The following CSMD1 variants were observed in gnomAD, a reference collection of about 807,000 sequenced individuals.
CSMD1 encodes the protein CUB and sushi domain-containing protein 1.
In CSMD1, 213 loss-of-function variants were observed where a neutral mutation model predicts 417.5. The observed-to-expected ratio is 0.51, with a 90% CI of 0.46 to 0.57. The LOEUF (loss-of-function observed/expected upper bound fraction) is 0.57, where lower values mean the gene tolerates loss of function less well. Ranked by LOEUF, CSMD1 falls within the 20% of genes least tolerant of loss-of-function variation. The pLI, the probability that CSMD1 is intolerant of heterozygous loss-of-function variation, is 0.00. For synonymous variants in CSMD1, 2,862 were observed against 1,736.8 expected, an observed-to-expected ratio of 1.65 and a Z score of -16.11; for missense variants, 6,923 against 4,529.7, an observed-to-expected ratio of 1.53 and a Z score of -15.17.
At chr8:3,542,442 G>A (rs532664166) in intron 10 of CSMD1, among the ~76,000 whole-genome samples, 215 of 152,290 alleles carry the variant, frequency 1.4e-3, no homozygotes, top group African/African-American at 5.1e-3. Flanking sequence ...GTGCGTTAGG[G>A]AATGAAACTG....
chr8:4,600,492 C>G (rs1001268791), intron 2 of CSMD1, among the ~76,000 whole-genome samples: 1 of 152,136 alleles, frequency 6.6e-6, no homozygotes. Context: ...ATATAATAGG[C>G]TAAATAAATA....
chr8:3,902,563 T>C lies in CSMD1; in HGVS notation c.818+95340A>G, dbSNP rs143785075. Among the ~76,000 whole-genome samples the C allele has an allele frequency of 7.5e-3, 1,144 of 152,238 alleles. 8 individuals carry two copies. The highest frequency in any genetic ancestry group is 0.012 in the Non-Finnish European group (808 of 68,020). On this transcript the variant is annotated intron_variant, in intron 5 of 69. Transcript: ENST00000635120. ...GAGCTCACAACCTACATCCATTGCA[T>C]GCTCAGTTCACAGTAGGGTTCACGA...
intron 5 of CSMD1, among the ~76,000 whole-genome samples, chr8:3,757,018 G>A (rs965501979): frequency 6.6e-6 from 1 of 152,094 alleles, no homozygotes; most frequent in African/African-American, 2.4e-5. Flanking sequence ...GTCCAGACTG[G>A]TCTTGAACTC....
chr8:3,588,134 GTTCT>G (rs1171150635), intron 8 of CSMD1, among the ~76,000 whole-genome samples: 2 of 150,360 alleles, frequency 1.3e-5, no homozygotes, highest in East Asian at 1.9e-4. Flanking sequence ...TCAGTCTCCA[GTTCT>G]TTCTGTTTAC....
intron 3 of CSMD1, among the ~76,000 whole-genome samples, chr8:4,220,029 A>C (rs76817042): frequency 0.022 from 3,307 of 152,214 alleles, 103 homozygotes; most frequent in South Asian, 0.14. Flanking sequence ...GGCTGACTAC[A>C]ACCTCTGCCT....
intron 7 of CSMD1, among the ~76,000 whole-genome samples, chr8:3,657,459 T>C (rs1236183449): frequency 1.3e-5 from 2 of 152,054 alleles, no homozygotes; most frequent in Non-Finnish European, 2.9e-5. Context: ...TGCCCATCAA[T>C]GATAGACTGG....
At chr8:3,239,586 C>A (rs1250795813) in intron 26 of CSMD1, among the ~76,000 whole-genome samples, 1 of 151,790 alleles carries the variant, frequency 6.6e-6, no homozygotes, top group Non-Finnish European at 1.5e-5. Context: ...CCTGAATAAT[C>A]TCTGAGAAGT....
chr8:3,207,422 C>T (rs552165845), intron 30 of CSMD1, among the ~76,000 whole-genome samples: 40 of 151,880 alleles, frequency 2.6e-4, no homozygotes, highest in African/African-American at 8.7e-4. Flanking sequence ...GGATTACAAA[C>T]GTGAGCCACT....
intron 3 of CSMD1, among the ~76,000 whole-genome samples, chr8:4,152,281 G>A (rs1302746879): frequency 6.6e-6 from 1 of 152,090 alleles, no homozygotes; most frequent in Non-Finnish European, 1.5e-5. Context: ...GAAATACGAT[G>A]GTTAAAAATC....
At chr8:4,341,396 G>A (rs895592324) in intron 3 of CSMD1, among the ~76,000 whole-genome samples, 1 of 152,084 alleles carries the variant, frequency 6.6e-6, no homozygotes, top group African/African-American at 2.4e-5. Context: ...ACTGAAGAAA[G>A]CCTTGAACTC....
intron 26 of CSMD1, among the ~76,000 whole-genome samples, chr8:3,261,106 C>G (rs1801029477): frequency 1.3e-5 from 2 of 152,114 alleles, no homozygotes; most frequent in African/African-American, 4.8e-5. Flanking sequence ...CAAATAAATG[C>G]AGAGATATCA....
intron 10 of CSMD1, among the ~76,000 whole-genome samples, chr8:3,514,443 C>G (rs1297180863): frequency 2.0e-5 from 3 of 152,186 alleles, no homozygotes; most frequent in African/African-American, 7.2e-5. Flanking sequence ...TTATCCCCAT[C>G]TGCTCACGGG....
intron 5 of CSMD1, among the ~76,000 whole-genome samples, chr8:3,900,821 T>C (rs1807698809): frequency 1.3e-5 from 2 of 152,204 alleles, no homozygotes; most frequent in African/African-American, 4.8e-5. Context: ...CAGCCTTCTG[T>C]TCCAGAGCTT....
chr8:3,207,381 G>C (rs888915665), intron 30 of CSMD1, among the ~76,000 whole-genome samples: 26 of 150,868 alleles, frequency 1.7e-4, no homozygotes, highest in African/African-American at 5.1e-4. Context: ...CTGACCTCAT[G>C]ATCCGCATGG....
chr8:3,129,710 C>T (rs1013338302), intron 41 of CSMD1, among the ~76,000 whole-genome samples: 7 of 151,670 alleles, frequency 4.6e-5, no homozygotes, highest in Admixed American at 3.3e-4. Context: ...GGAGCTGGGC[C>T]GGGCGGGGTG....
chr8:3,270,949 G>C (rs13273372), intron 26 of CSMD1, among the ~76,000 whole-genome samples: 1 of 150,364 alleles, frequency 6.7e-6, no homozygotes, highest in African/African-American at 2.5e-5. Flanking sequence ...TTATTATACT[G>C]TAAGTTTTAG....
At chr8:3,595,664 G>A (rs1395454804) in intron 8 of CSMD1, among the ~76,000 whole-genome samples, 1 of 152,186 alleles carries the variant, frequency 6.6e-6, no homozygotes, top group Non-Finnish European at 1.5e-5. Flanking sequence ...CTAGCTCTCA[G>A]AAGCACCGCA....
chr8:3,143,813 T>A (rs1028418720), intron 40 of CSMD1, among the ~76,000 whole-genome samples: 2 of 152,232 alleles, frequency 1.3e-5, no homozygotes, highest in Non-Finnish European at 2.9e-5. Flanking sequence ...TAACACCTAC[T>A]TGGGTTTTCC....
chr8:3,917,709 C>T (rs1455004388), intron 5 of CSMD1, among the ~76,000 whole-genome samples: 4 of 152,094 alleles, frequency 2.6e-5, no homozygotes, highest in East Asian at 3.9e-4. Flanking sequence ...TTTGGAGATA[C>T]GTATATATCC....
Sources: gnomAD v4.1 joint callset for allele counts (sites outside exome capture counted in the v4.1 genomes callset) on GRCh38, gnomAD v4.1.1 for gene constraint, MANE v1.5 for transcripts, NCBI Gene and HGNC (gene_info 2026-07-23, HGNC 2026-07-21) for gene names.